The following SLC6A15 variants were observed in gnomAD, a reference collection of about 807,000 sequenced individuals.
SLC6A15 encodes sodium-dependent neutral amino acid transporter B(0)AT2.
A neutral mutation model predicts 68.5 loss-of-function variants in SLC6A15; 33 were observed. The ratio of observed to expected loss-of-function variants is 0.48; its 90% CI spans 0.37 to 0.64. The LOEUF is 0.64. SLC6A15 is among the 30% of genes least tolerant of loss of function. The probability of loss-of-function intolerance (pLI) is 0.00; values close to 1 mark genes in which losing one functional copy is unlikely to be tolerated. For missense variants in SLC6A15, 747 were observed against 874.3 expected (o/e 0.85, Z 1.84); for synonymous variants, 347 against 301.0 (o/e 1.15, Z -1.58).
At chr12:84,904,224 G>GGAGAGAGAGAGAGAGAGA (rs370457657) in intron 1 of SLC6A15, among the ~76,000 whole-genome samples, 3,979 of 121,864 alleles carry the variant, frequency 0.033, 184 homozygotes, top group African/African-American at 0.092. Flanking sequence ...GGGCGGAGGG[G>GGAGAGAGAGAGAGAGAGA]GAGAGAGAGA....
intron 5 of SLC6A15, among the ~76,000 whole-genome samples, chr12:84,878,601 G>A (rs980963606): frequency 4.6e-5 from 7 of 151,222 alleles, no homozygotes; most frequent in Non-Finnish European, 1.0e-4. Flanking sequence ...AGTCTAGATA[G>A]ACTGATTATG....
chr12:84,870,840 C>A (rs1454013205), intron 8 of SLC6A15, among the ~76,000 whole-genome samples, 170 bp from the exon 9 acceptor site: 1 of 152,032 alleles, frequency 6.6e-6, no homozygotes, highest in African/African-American at 2.4e-5. Context: ...ATTCTCAGAA[C>A]CTGGATTTAA....
chr12:84,861,196 G>A lies in SLC6A15; in HGVS notation c.*436C>T, dbSNP rs1870831007. 6.4e-6 allele frequency: 1 copy of A among 155,660 alleles called. No homozygotes were observed. The highest frequency in any genetic ancestry group is 1.4e-5 in the Non-Finnish European group (1 of 70,260). 9.6% of individuals were successfully genotyped at this position (155,660 alleles called of 1,614,324 possible). A position where few individuals can be genotyped will look rare whatever the true frequency, so the allele number is the denominator to read the frequency against. ...CTACATAATATATTCATAGAAATGT[G>A]CTGAGAGGCACCCACTTACAGAACT... On this transcript the variant is annotated 3_prime_UTR_variant, in exon 12 of 12. Coordinates refer to ENST00000266682, the MANE Select transcript of SLC6A15 (RefSeq NM_182767.6).
chr12:84,885,978 C>T lies in SLC6A15; in HGVS notation c.380G>A (p.Arg127Gln), dbSNP rs757838229. ...LELSVGQRIR[R>Q]GSIGVWNYIS... ...GTAATTCCATACACCAATGCTGCCT[C>T]GCCGAATTCTTTGACCCACAGAGAG... Residue 127 changes from arginine (R) to glutamine (Q), a missense_variant, in exon 3 of 12, where the codon CGA (arginine) becomes CAA (glutamine). Physicochemically the swap from Arg to Gln is conservative, Grantham distance 43. Coordinates refer to ENST00000266682, the MANE Select transcript of SLC6A15 (RefSeq NM_182767.6). The T allele has an allele frequency of 3.7e-6, 6 of 1,612,906 alleles. No individual in the cohort carries two copies. The highest frequency in any genetic ancestry group is 2.7e-5 in the African/African-American group (2 of 74,960).
chr12:84,870,729 T>C (rs1488131947), intron 8 of SLC6A15, 59 bp from the exon 9 acceptor site: 1 of 1,052,024 alleles, frequency 9.5e-7, no homozygotes, highest in East Asian at 2.7e-5. Context: ...AATGGCTCTA[T>C]ATGTCAGTTA....
chr12:84,867,311 A>G (rs1355269491), intron 9 of SLC6A15, 118 bp from the exon 10 acceptor site: 1 of 782,626 alleles, frequency 1.3e-6, no homozygotes, highest in East Asian at 3.0e-5. Flanking sequence ...CATCATATAA[A>G]CAGGCAATAC....
At chr12:84,911,115 T>G (rs962334112) in intron 1 of SLC6A15, among the ~76,000 whole-genome samples, 1 of 151,986 alleles carries the variant, frequency 6.6e-6, no homozygotes, top group Non-Finnish European at 1.5e-5. Context: ...TGAGGTTGGG[T>G]GGGTGAGGGG....
At chr12:84,875,202 A>G (rs1053709477) in intron 6 of SLC6A15, among the ~76,000 whole-genome samples, 11 of 152,178 alleles carry the variant, frequency 7.2e-5, no homozygotes, top group Non-Finnish European at 1.5e-4. Flanking sequence ...CATTTTCTTC[A>G]ATATTATACA....
chr12:84,867,925 T>C (rs1871128598), intron 9 of SLC6A15: 1 of 152,226 alleles, frequency 6.6e-6, no homozygotes. Flanking sequence ...TTGAAATTCA[T>C]ATAATATTCC....
chr12:84,903,980 C>A (rs1024124268), intron 1 of SLC6A15, among the ~76,000 whole-genome samples: 5 of 151,910 alleles, frequency 3.3e-5, no homozygotes, highest in Admixed American at 6.6e-5. Flanking sequence ...GTTGTTTGAT[C>A]TTTTATAGTT....
At chr12:84,877,422 C>T (rs1305030848) in intron 5 of SLC6A15, among the ~76,000 whole-genome samples, 1 of 152,154 alleles carries the variant, frequency 6.6e-6, no homozygotes, top group Non-Finnish European at 1.5e-5. Flanking sequence ...TTAAAACACT[C>T]CAGGAATTTC....
intron 1 of SLC6A15, among the ~76,000 whole-genome samples, chr12:84,900,338 C>G (rs1344569729): frequency 2.0e-5 from 3 of 151,938 alleles, no homozygotes; most frequent in Non-Finnish European, 2.9e-5. Context: ...GATGCTAAAT[C>G]AAGTTTTGCA....
At chr12:84,901,582 CTT>C (rs1872883544) in intron 1 of SLC6A15, among the ~76,000 whole-genome samples, 1 of 151,664 alleles carries the variant, frequency 6.6e-6, no homozygotes, top group Admixed American at 6.6e-5. Context: ...AATTTTCTAC[CTT>C]CCAAGCCATT....
intron 1 of SLC6A15, among the ~76,000 whole-genome samples, chr12:84,911,000 G>C (rs1355705096): frequency 6.6e-6 from 1 of 151,722 alleles, no homozygotes; most frequent in African/African-American, 2.4e-5. Context: ...GTTCAAAGAA[G>C]ATTTAGTCCA....
rs80347036 is a variant in SLC6A15, at chr12:84,891,303, T to C, written c.289+529A>G. Among the ~76,000 whole-genome samples the C allele has an allele frequency of 1.7e-3, 260 of 152,262 alleles. 8 individuals are homozygous for C. In the East Asian group the frequency reaches 0.046, roughly 27 times the overall value. On this transcript the variant is annotated intron_variant, in intron 2 of 11. Coordinates refer to ENST00000266682, the MANE Select transcript of SLC6A15 (RefSeq NM_182767.6). ...GCCTAAGAATGAAGAATGTCTAGCA[T>C]TGTATTATCTGTTTACATTCCTTCT... is the stretch of plus-strand genomic sequence containing the variant.
intron 1 of SLC6A15, among the ~76,000 whole-genome samples, chr12:84,905,064 G>A (rs1873074343): frequency 6.6e-6 from 1 of 152,186 alleles, no homozygotes; most frequent in East Asian, 1.9e-4. Flanking sequence ...TTCATTTTAT[G>A]AAAGCAGTAT....
In SLC6A15 at chr12:84,861,670, C is replaced by T. The variant is rs1057138886; in HGVS notation, c.2155G>A (p.Ala719Thr). 1.6e-5 allele frequency: 26 copies of T among 1,605,204 alleles called. No homozygotes were observed. The highest frequency in any genetic ancestry group is 2.1e-5 in the Non-Finnish European group (25 of 1,173,528). The change falls in exon 12 of 12, where the codon GCA (alanine) becomes ACA (threonine). Residue 719 changes from alanine (A) to threonine (T), a missense_variant. Coordinates refer to ENST00000266682, the MANE Select transcript of SLC6A15 (RefSeq NM_182767.6). ...NGRYGIGYLM[A>T]DIMPDMPESD... ...TCTGGCATATCTGGCATAATATCTG[C>T]CATCAAGTACCCTATTCCATACCGT... is the stretch of plus-strand genomic sequence containing the variant.
At chr12:84,864,210 A>C (rs1193411557) in intron 10 of SLC6A15, among the ~76,000 whole-genome samples, 2 of 151,586 alleles carry the variant, frequency 1.3e-5, no homozygotes, top group Non-Finnish European at 2.9e-5. Context: ...ATACCTAATC[A>C]ATGTTATATT....
chr12:84,860,435 CT>C lies in SLC6A15; in HGVS notation c.*1196del, dbSNP rs1565717593. 6.6e-6 allele frequency: 1 copy of C among 152,026 alleles called. No individual in the cohort carries two copies. The highest frequency in any genetic ancestry group is 1.5e-5 in the Non-Finnish European group (1 of 67,952). 9.4% of individuals were successfully genotyped at this position (152,026 alleles called of 1,614,324 possible). A position where few individuals can be genotyped will look rare whatever the true frequency, so the allele number is the denominator to read the frequency against. On this transcript the variant is annotated 3_prime_UTR_variant, in exon 12 of 12. Coordinates refer to ENST00000266682, the MANE Select transcript of SLC6A15 (RefSeq NM_182767.6). ...ATGGTTTCTTGGGAGGCTGTAAGTA[CT>C]TTTTCAAGAATCATAAGACTACATA...
Sources: allele counts gnomAD v4.1 joint callset (sites outside exome capture counted in the v4.1 genomes callset), GRCh38; gene constraint gnomAD v4.1.1; transcripts MANE v1.5; gene names NCBI Gene and HGNC (gene_info 2026-07-23, HGNC 2026-07-21).